ABCA12: variants seen among roughly 807,000 people sequenced by gnomAD.
ABCA12 encodes ATP binding cassette subfamily A member 12.
Under a neutral mutation model 293.5 loss-of-function variants are expected in ABCA12, and 156 were observed. The ratio of observed to expected loss-of-function variants is 0.53; its 90% CI spans 0.47 to 0.61. The LOEUF (loss-of-function observed/expected upper bound fraction) is 0.61. ABCA12 is among the 20% of genes least tolerant of loss of function. The pLI is 0.00. For missense variants in ABCA12, 2,797 were observed against 3,090.2 expected (o/e 0.91, Z 2.25); for synonymous variants, 1,063 against 1,108.0 (o/e 0.96, Z 0.81).
chr2:215,091,149 G>C lies in ABCA12; in HGVS notation c.163+20448C>G, dbSNP rs151134959. Among the ~76,000 whole-genome samples, 1,160 of 152,062 alleles carry C rather than the reference G, an allele frequency of 7.6e-3. 11 individuals are homozygous for C. Among genetic ancestry groups the C allele is most frequent in the African/African-American group, 0.026 (1,097 of 41,480 alleles). ...AAGCTTTCTTCTTTCTCTCCTGTCT[G>C]TTCCTTCAGTCTCCACCCCAAGCAG... On this transcript the variant is annotated intron_variant, in intron 2 of 52. Transcript: ENST00000272895.
chr2:214,979,986 G>A (rs1471091127), intron 31 of ABCA12, among the ~76,000 whole-genome samples: 1 of 152,128 alleles, frequency 6.6e-6, no homozygotes, highest in Non-Finnish European at 1.5e-5. Flanking sequence ...GTTGACCTGT[G>A]CAAATTACAG....
chr2:214,989,479 A>G lies in ABCA12; in HGVS notation c.3695-16T>C. On this transcript the variant is annotated splice_polypyrimidine_tract_variant and intron_variant, in intron 25 of 52. Coordinates refer to ENST00000272895, the MANE Select transcript of ABCA12 (RefSeq NM_173076.3). ...CACTGAAGACCTAAAAAGTGAACACAAGTGTTTATTCTTCTGTGACACACA... is the reference window on the plus strand; with the variant it reads ...CACTGAAGACCTAAAAAGTGAACACGAGTGTTTATTCTTCTGTGACACACA... 1.9e-6 allele frequency: 3 copies of G among 1,613,860 alleles called. No individual in the cohort carries two copies. The highest frequency in any genetic ancestry group is 1.7e-6 in the Non-Finnish European group (2 of 1,179,924).
chr2:214,948,991 T>A (rs748262380), intron 46 of ABCA12, 49 bp downstream of exon 46: 1 of 1,458,190 alleles, frequency 6.9e-7, no homozygotes, highest in East Asian at 2.3e-5. Context: ...ATTATTTTTC[T>A]CATTTAAGTA....
chr2:215,051,717 C>T (rs536024407), intron 5 of ABCA12, among the ~76,000 whole-genome samples: 1 of 147,028 alleles, frequency 6.8e-6, no homozygotes, highest in South Asian at 2.2e-4. Context: ...TCTCTAATGC[C>T]AAATGTTGAA....
intron 38 of ABCA12, among the ~76,000 whole-genome samples, chr2:214,968,335 G>C (rs928859976): frequency 4.6e-5 from 7 of 151,816 alleles, no homozygotes; most frequent in African/African-American, 1.7e-4. Context: ...ATTCCTTTTT[G>C]TCTTTTCTTT....
chr2:215,016,279 G>A (rs1700496245), intron 14 of ABCA12, among the ~76,000 whole-genome samples: 1 of 150,242 alleles, frequency 6.7e-6, no homozygotes, highest in Non-Finnish European at 1.5e-5. Flanking sequence ...TGGGGAAAAC[G>A]TTAGTTTAAG....
intron 9 of ABCA12, among the ~76,000 whole-genome samples, chr2:215,027,364 G>A (rs1230450982): frequency 1.3e-5 from 2 of 151,280 alleles, no homozygotes; most frequent in African/African-American, 4.9e-5. Flanking sequence ...AGAAAAAAAA[G>A]AAAGAAATAC....
chr2:214,996,328 A>G (rs976630150), intron 23 of ABCA12, among the ~76,000 whole-genome samples: 10 of 152,228 alleles, frequency 6.6e-5, no homozygotes, highest in African/African-American at 2.4e-4. Flanking sequence ...TTGTATATAT[A>G]CTGTATGCAT....
intron 2 of ABCA12, among the ~76,000 whole-genome samples, chr2:215,084,729 G>A (rs985986416): frequency 1.3e-5 from 2 of 152,082 alleles, no homozygotes; most frequent in African/African-American, 2.4e-5. Context: ...TACCTTACTG[G>A]CAAAGTTTTA....
intron 1 of ABCA12, among the ~76,000 whole-genome samples, chr2:215,127,850 T>G (rs77449824): frequency 0.032 from 4,922 of 152,192 alleles, 240 homozygotes; most frequent in African/African-American, 0.11. Context: ...TCCTGTGTAC[T>G]TTCTTTATTT....
At chr2:214,975,540 G>C (rs141487492) in intron 34 of ABCA12, among the ~76,000 whole-genome samples, 12 of 152,102 alleles carry the variant, frequency 7.9e-5, no homozygotes, top group African/African-American at 2.9e-4. Context: ...AATTAAAGTC[G>C]TCATTATAAA....
chr2:215,127,599 G>A (rs1474634846), intron 1 of ABCA12, among the ~76,000 whole-genome samples: 1 of 152,116 alleles, frequency 6.6e-6, no homozygotes, highest in Non-Finnish European at 1.5e-5. Context: ...TTTGTATGAT[G>A]CAAGAATAGG....
intron 2 of ABCA12, among the ~76,000 whole-genome samples, chr2:215,101,892 G>C (rs115686322): frequency 2.0e-5 from 3 of 152,112 alleles, no homozygotes; most frequent in Admixed American, 6.5e-5. Flanking sequence ...AAAGAAGACC[G>C]AAGTGGAAGT....
Position 215,010,465 on chromosome 2 carries a change from A to C in ABCA12, c.2338T>G (p.Phe780Val), listed in dbSNP as rs1475812105. ...KYGIPINSTP[F>V]CFSLYKDIIN... Reference sequence around the variant, plus strand: ...ATGTCTTTATAAAGGGAGAAGCAAAATGGTGCTGGAAGGAAAAAGTGAAAT... The same window carrying C: ...ATGTCTTTATAAAGGGAGAAGCAAACTGGTGCTGGAAGGAAAAAGTGAAAT... Residue 780 changes from phenylalanine to valine, a missense_variant, in exon 18 of 53, where the codon TTT becomes GTT. Transcript: ENST00000272895. 4 of 1,613,458 alleles carry C rather than the reference A, an allele frequency of 2.5e-6. No individual in the cohort carries two copies. The East Asian group carries it at 8.9e-5, about 36-fold the overall frequency.
chr2:215,007,755 A>G lies in ABCA12; in HGVS notation c.2564T>C (p.Leu855Pro). ...GAGCATTGGAATTGCCTGGTTTAAC[A>G]GATGGAAGGAATTCATGAAAAGTGG... ...KSPLFMNSFHLLNQAIPMLQN... is the reference protein window; with the variant it reads ...KSPLFMNSFHPLNQAIPMLQN... The change falls in exon 19 of 53, where the codon CTG (leucine) becomes CCG (proline). Residue 855 changes from leucine (L) to proline (P), a missense_variant. Transcript: ENST00000272895. 6.2e-7 allele frequency: 1 copy of G among 1,614,072 alleles called. No homozygotes were observed. Among genetic ancestry groups the G allele is most frequent in the Non-Finnish European group, 8.5e-7 (1 of 1,179,958 alleles).
rs145187184 is a variant in ABCA12 at position 214,975,994 on chromosome 2, C to T, written c.5172G>A (p.Leu1724=). 4 of 1,613,988 alleles carry T rather than the reference C, an allele frequency of 2.5e-6. No individual in the cohort carries two copies. Among genetic ancestry groups the T allele is most frequent in the Non-Finnish European group, 3.4e-6 (4 of 1,179,994 alleles). The change falls in exon 34 of 53, where the codon CTG becomes CTA. Residue 1724 remains leucine (L), a synonymous_variant. Transcript: ENST00000272895. ...TRGERLDGFG[L]LLKKIMAILI... ...GTATAGCCATGATCTTCTTCAGCAA[C>T]AGTCCAAAGCCATCCAGCCTCTCTC... is the stretch of plus-strand genomic sequence containing the variant.
intron 1 of ABCA12, among the ~76,000 whole-genome samples, chr2:215,113,606 G>T (rs1314182098): frequency 1.3e-5 from 2 of 152,170 alleles, no homozygotes; most frequent in Non-Finnish European, 2.9e-5. Flanking sequence ...CTATCTAACA[G>T]GAGTGTTTAC....
intron 47 of ABCA12, among the ~76,000 whole-genome samples, chr2:214,948,331 A>G (rs1464305666): frequency 6.6e-6 from 1 of 152,190 alleles, no homozygotes; most frequent in Non-Finnish European, 1.5e-5. Flanking sequence ...GTGATCCTGT[A>G]TTTGACAGTT....
At position 214,950,897 on chromosome 2, in the gene ABCA12, A is replaced by C; in HGVS notation, c.6834T>G (p.Ile2278Met). 6.2e-7 allele frequency: 1 copy of C among 1,614,092 alleles called. No individual in the cohort carries two copies. The highest frequency in any genetic ancestry group is 1.7e-5 in the Admixed American group (1 of 60,024). Reference protein sequence around the residue: ...KKIIAVNNISIGIPAGECFGL... With the variant: ...KKIIAVNNISMGIPAGECFGL... ...TTCTTACCTCTCCAGCAGGTATCCC[A>C]ATGCTGATGTTGTTTACAGCTATAA... The change falls in exon 45 of 53, where the codon ATT becomes ATG. Residue 2278 changes from isoleucine (I) to methionine (M), a missense_variant. By Grantham distance (10) the Ile-to-Met change is conservative. Coordinates refer to ENST00000272895, the MANE Select transcript of ABCA12 (RefSeq NM_173076.3).
Sources: gnomAD v4.1 joint callset for allele counts (sites outside exome capture counted in the v4.1 genomes callset) on GRCh38, gnomAD v4.1.1 for gene constraint, MANE v1.5 for transcripts, NCBI Gene and HGNC (gene_info 2026-07-23, HGNC 2026-07-21) for gene names.